FTO: variants seen among roughly 807,000 people sequenced by gnomAD.
The protein encoded by FTO is alpha-ketoglutarate-dependent dioxygenase FTO.
In FTO, 47 loss-of-function variants were observed where a neutral mutation model predicts 63.9. That is an observed-to-expected ratio of 0.74 (90% CI 0.58 to 0.94). The LOEUF (loss-of-function observed/expected upper bound fraction) is 0.94. Among genes scored for constraint, FTO ranks in the 40% least tolerant of loss-of-function variants. The probability of loss-of-function intolerance (pLI) is 0.00; values close to 1 mark genes in which losing one functional copy is unlikely to be tolerated. For missense variants in FTO, 562 were observed against 618.1 expected (o/e 0.91, Z 0.96); for synonymous variants, 207 against 224.4 (o/e 0.92, Z 0.69).
intron 8 of FTO, among the ~76,000 whole-genome samples, chr16:53,982,429 A>G (rs1307278304): frequency 1.3e-5 from 2 of 152,208 alleles, no homozygotes; most frequent in African/African-American, 4.8e-5. Context: ...GAACTGATGA[A>G]AACCTTGATG....
chr16:53,908,967 T>C (rs1251745856), intron 7 of FTO, among the ~76,000 whole-genome samples: 2 of 152,158 alleles, frequency 1.3e-5, no homozygotes, highest in Non-Finnish European at 2.9e-5. Flanking sequence ...TGTGGTAACC[T>C]TTGAGTCCCC....
chr16:53,916,562 T>C (rs2081871425), intron 7 of FTO, among the ~76,000 whole-genome samples: 1 of 152,194 alleles, frequency 6.6e-6, no homozygotes, highest in Non-Finnish European at 1.5e-5. Flanking sequence ...CATTGGGTAT[T>C]CTTTCCTAAC....
intron 8 of FTO, among the ~76,000 whole-genome samples, chr16:53,958,162 T>C (rs1188383972): frequency 6.6e-6 from 1 of 152,224 alleles, no homozygotes; most frequent in Non-Finnish European, 1.5e-5. Flanking sequence ...TTTTTAATAC[T>C]CTTGGTATAG....
chr16:53,894,994 C>G (rs1220352554), intron 7 of FTO, among the ~76,000 whole-genome samples: 1 of 152,090 alleles, frequency 6.6e-6, no homozygotes, highest in East Asian at 1.9e-4. Context: ...AAGTCACTTG[C>G]AGCTGGAGCA....
chr16:54,060,246 C>G (rs534671171), intron 8 of FTO, among the ~76,000 whole-genome samples: 1 of 152,306 alleles, frequency 6.6e-6, no homozygotes, highest in South Asian at 2.1e-4. Flanking sequence ...CCACTTTTAA[C>G]TCTCCTCTTT....
chr16:53,923,160 C>G (rs1258913853), intron 7 of FTO: 2 of 152,176 alleles, frequency 1.3e-5, no homozygotes, highest in African/African-American at 4.8e-5. Flanking sequence ...TATGCAGAGA[C>G]TAGAAATCAA....
Position 53,826,262 on chromosome 16 carries a change from A to G in FTO, c.522A>G (p.Ala174=), listed in dbSNP as rs867223354. The G allele has an allele frequency of 3.7e-6, 6 of 1,614,264 alleles. No individual in the cohort carries two copies. In the Middle Eastern group the frequency reaches 4.9e-4, roughly 133 times the overall value. ...NEDAVPLCMS[A]DFPRVGMGSS... is the part of the protein sequence containing the mutation. Reference sequence around the variant, plus strand: ...ATGCTGTGCCATTGTGTATGTCTGCAGATTTCCCCAGGGTTGGGATGGGTT... The same window carrying G: ...ATGCTGTGCCATTGTGTATGTCTGCGGATTTCCCCAGGGTTGGGATGGGTT... Residue 174 remains alanine, a synonymous_variant, in exon 3 of 9, where the codon GCA becomes GCG. Transcript: ENST00000471389.
In FTO at chr16:53,788,690, T is replaced by C. The variant is rs141968696; in HGVS notation, c.46-21450T>C. Among the ~76,000 whole-genome samples, 893 of 152,220 alleles carry C rather than the reference T, an allele frequency of 5.9e-3. 32 individuals are homozygous for C. The highest frequency in any genetic ancestry group is 0.049 in the Admixed American group (746 of 15,284). On this transcript the variant is annotated intron_variant, in intron 1 of 8. Coordinates refer to ENST00000471389, the MANE Select transcript of FTO (RefSeq NM_001080432.3). ...TAGCTTTTTGGAAAATATTTAGTAC[T>C]GGCATTTCTTCTTCACTGATTTTTC... is the stretch of plus-strand genomic sequence containing the variant.
intron 8 of FTO, among the ~76,000 whole-genome samples, chr16:54,088,941 C>G (rs1389761843): frequency 6.6e-6 from 1 of 152,198 alleles, no homozygotes; most frequent in Non-Finnish European, 1.5e-5. Context: ...CATACATGGC[C>G]TCGATAACCA....
At chr16:53,884,446 G>A (rs1166916747) in intron 6 of FTO, among the ~76,000 whole-genome samples, 4 of 152,134 alleles carry the variant, frequency 2.6e-5, no homozygotes, top group Admixed American at 6.5e-5. Flanking sequence ...TGTAGGCAGA[G>A]CCTTACCATG....
chr16:53,792,099 A>G lies in FTO; in HGVS notation c.46-18041A>G, dbSNP rs957628310. ...TCAAAAAAAAAAAAAAAAAATAAAA[A>G]TAAAAAAAATAAAGCGTGTATATTG... On this transcript the variant is annotated intron_variant, in intron 1 of 8. Coordinates refer to ENST00000471389, the MANE Select transcript of FTO (RefSeq NM_001080432.3). 8.6e-5 allele frequency among the ~76,000 whole-genome samples: 13 copies of G among 151,974 alleles called. No individual in the cohort carries two copies. The East Asian group carries it at 1.9e-3, about 23-fold the overall frequency.
chr16:53,782,023 T>G (rs2077601407), intron 1 of FTO, among the ~76,000 whole-genome samples: 1 of 152,126 alleles, frequency 6.6e-6, no homozygotes, highest in South Asian at 2.1e-4. Context: ...TATCCCCAGT[T>G]TGACCCTTTT....
intron 8 of FTO, among the ~76,000 whole-genome samples, chr16:54,072,892 A>G (rs1257089918): frequency 6.6e-6 from 1 of 152,204 alleles, no homozygotes; most frequent in Non-Finnish European, 1.5e-5. Flanking sequence ...ATCCCCTGCT[A>G]TTAAAAAATG....
At chr16:53,769,242 T>C (rs2077278953) in intron 1 of FTO, among the ~76,000 whole-genome samples, 1 of 152,144 alleles carries the variant, frequency 6.6e-6, no homozygotes, top group Non-Finnish European at 1.5e-5. Flanking sequence ...GAGATGAAAA[T>C]GGAGCTACCT....
chr16:53,710,940 C>T (rs1176232249), intron 1 of FTO, among the ~76,000 whole-genome samples: 2 of 151,906 alleles, frequency 1.3e-5, no homozygotes, highest in Non-Finnish European at 2.9e-5. Context: ...TTGAATTCTG[C>T]TCCCTCATTT....
intron 8 of FTO, among the ~76,000 whole-genome samples, chr16:54,107,753 A>G (rs2086789834): frequency 6.6e-6 from 1 of 152,214 alleles, no homozygotes; most frequent in African/African-American, 2.4e-5. Flanking sequence ...ATCTAAGTGA[A>G]GCATGACTCA....
intron 8 of FTO, among the ~76,000 whole-genome samples, chr16:54,089,962 A>C (rs1307483194): frequency 6.6e-6 from 1 of 152,172 alleles, no homozygotes; most frequent in African/African-American, 2.4e-5. Flanking sequence ...ACCTTTCAAA[A>C]ACAGTTTGAT....
At chr16:53,909,087 C>G (rs1171219186) in intron 7 of FTO, among the ~76,000 whole-genome samples, 2 of 152,114 alleles carry the variant, frequency 1.3e-5, no homozygotes, top group African/African-American at 4.8e-5. Context: ...GGGATGATGC[C>G]CAGTTTGCCA....
intron 7 of FTO, among the ~76,000 whole-genome samples, chr16:53,933,497 C>G (rs552212076): frequency 6.6e-6 from 1 of 152,204 alleles, no homozygotes; most frequent in South Asian, 2.1e-4. Context: ...CCCCTTCTTC[C>G]CCCACAAAAC....
Sources: allele counts gnomAD v4.1 joint callset (sites outside exome capture counted in the v4.1 genomes callset), GRCh38; gene constraint gnomAD v4.1.1; transcripts MANE v1.5; gene names NCBI Gene and HGNC (gene_info 2026-07-23, HGNC 2026-07-21).